CDKAL1: variants seen among roughly 807,000 people sequenced by gnomAD.
CDKAL1 encodes the protein CDKAL1 threonylcarbamoyladenosine tRNA methylthiotransferase.
Under a neutral mutation model 68.2 loss-of-function variants are expected in CDKAL1, and 32 were observed. The observed-to-expected ratio is 0.47, with a 90% CI of 0.35 to 0.63. CDKAL1 has a LOEUF of 0.63. CDKAL1 is among the 30% of genes least tolerant of loss of function. The probability of loss-of-function intolerance (pLI) is 0.00; values close to 1 mark genes in which losing one functional copy is unlikely to be tolerated. For missense variants in CDKAL1, 606 were observed against 696.7 expected (o/e 0.87, Z 1.47); for synonymous variants, 234 against 244.3 (o/e 0.96, Z 0.39).
At chr6:21,193,335 A>T (rs925637988) in intron 13 of CDKAL1, among the ~76,000 whole-genome samples, 6 of 152,220 alleles carry the variant, frequency 3.9e-5, no homozygotes, top group African/African-American at 1.4e-4. Context: ...CAAGAGAGAG[A>T]CAGGCTTGAT....
intron 3 of CDKAL1, among the ~76,000 whole-genome samples, chr6:20,548,180 TGA>T (rs1359547483): frequency 6.6e-6 from 1 of 152,190 alleles, no homozygotes; most frequent in Non-Finnish European, 1.5e-5. Context: ...TGGATTGTAG[TGA>T]GTTTGTTTTT....
chr6:20,893,076 C>T (rs1761493465), intron 9 of CDKAL1, among the ~76,000 whole-genome samples: 1 of 152,162 alleles, frequency 6.6e-6, no homozygotes, highest in Admixed American at 6.5e-5. Flanking sequence ...AGCAGAATAG[C>T]ATTACCCTGT....
intron 11 of CDKAL1, among the ~76,000 whole-genome samples, chr6:21,059,164 G>A (rs997550864): frequency 5.3e-5 from 8 of 152,206 alleles, no homozygotes; most frequent in Non-Finnish European, 1.2e-4. Flanking sequence ...ATGGATCAGG[G>A]TCCCACCTAA....
At chr6:21,190,366 T>C (rs1319350037) in intron 13 of CDKAL1, among the ~76,000 whole-genome samples, 1 of 151,254 alleles carries the variant, frequency 6.6e-6, no homozygotes, top group African/African-American at 2.4e-5. Context: ...TGTGTGGGGT[T>C]TTTTTTGTTT....
intron 11 of CDKAL1, among the ~76,000 whole-genome samples, chr6:21,060,823 A>C (rs1224249546): frequency 6.6e-6 from 1 of 152,062 alleles, no homozygotes; most frequent in African/African-American, 2.4e-5. Flanking sequence ...TATTTTAATC[A>C]TGTGTTTTGT....
intron 12 of CDKAL1, among the ~76,000 whole-genome samples, chr6:21,068,495 T>A (rs569840447): frequency 3.3e-5 from 5 of 152,262 alleles, no homozygotes; most frequent in Admixed American, 3.3e-4. Flanking sequence ...AATATCATTC[T>A]TGTCTCACTC....
intron 5 of CDKAL1, among the ~76,000 whole-genome samples, chr6:20,698,375 T>G (rs1399032424): frequency 6.6e-6 from 1 of 152,204 alleles, no homozygotes. Context: ...GAAATTAACA[T>G]TGGTACATTC....
chr6:21,212,109 A>G (rs1443006488), intron 15 of CDKAL1, among the ~76,000 whole-genome samples: 3 of 152,052 alleles, frequency 2.0e-5, no homozygotes, highest in African/African-American at 7.2e-5. Flanking sequence ...GAAAGTTTCT[A>G]TATGAGGGAA....
chr6:20,844,616 G>A (rs1169188721), intron 8 of CDKAL1, among the ~76,000 whole-genome samples: 1 of 151,594 alleles, frequency 6.6e-6, no homozygotes, highest in Non-Finnish European at 1.5e-5. Context: ...TTGGGAGGCC[G>A]AGAGGGGAGG....
chr6:21,182,043 C>T (rs1777809479), intron 13 of CDKAL1, among the ~76,000 whole-genome samples: 1 of 152,178 alleles, frequency 6.6e-6, no homozygotes, highest in Non-Finnish European at 1.5e-5. Context: ...CTATATCTAA[C>T]TTACACAGTA....
chr6:21,169,565 G>A (rs1387586685), intron 13 of CDKAL1, among the ~76,000 whole-genome samples: 2 of 152,190 alleles, frequency 1.3e-5, no homozygotes, highest in Non-Finnish European at 2.9e-5. Flanking sequence ...GAACCCGGGA[G>A]GGAGAGGTTG....
chr6:21,099,895 C>T (rs1211912263), intron 12 of CDKAL1, among the ~76,000 whole-genome samples: 1 of 152,214 alleles, frequency 6.6e-6, no homozygotes, highest in Non-Finnish European at 1.5e-5. Flanking sequence ...TCTTGCCTTC[C>T]TTATGTGCTA....
intron 8 of CDKAL1, among the ~76,000 whole-genome samples, chr6:20,812,608 A>G (rs951976453): frequency 2.6e-5 from 4 of 152,190 alleles, no homozygotes; most frequent in Non-Finnish European, 5.9e-5. Flanking sequence ...CAGTTTCTAG[A>G]GTTTTACATA....
intron 5 of CDKAL1, chr6:20,723,514 G>A (rs1428137757): frequency 6.4e-6 from 1 of 156,994 alleles, no homozygotes; most frequent in Non-Finnish European, 1.4e-5. Flanking sequence ...CCGAGTAGAG[G>A]GGGCACCCCT....
At chr6:21,204,642 A>T (rs1236717611) in intron 15 of CDKAL1, among the ~76,000 whole-genome samples, 2 of 152,170 alleles carry the variant, frequency 1.3e-5, no homozygotes, top group Non-Finnish European at 2.9e-5. Context: ...AGGCACTATT[A>T]TTATCCCCAT....
At chr6:20,744,004 G>A (rs952292810) in intron 6 of CDKAL1, among the ~76,000 whole-genome samples, 2 of 152,202 alleles carry the variant, frequency 1.3e-5, no homozygotes, top group Non-Finnish European at 2.9e-5. Context: ...TATAGAATCA[G>A]GATCTTTTTG....
chr6:21,061,514 T>A (rs2150927132), intron 11 of CDKAL1, among the ~76,000 whole-genome samples: 1 of 152,252 alleles, frequency 6.6e-6, no homozygotes, highest in Admixed American at 6.5e-5. Context: ...AAAATTCATG[T>A]CATCTCAAAA....
intron 11 of CDKAL1, among the ~76,000 whole-genome samples, chr6:21,032,872 G>A (rs1173897164): frequency 1.3e-5 from 2 of 152,150 alleles, no homozygotes; most frequent in Non-Finnish European, 2.9e-5. Flanking sequence ...ATGCATGACT[G>A]TATTTCAAAT....
chr6:20,672,136 TTCCCTC>T (rs1041691348), intron 5 of CDKAL1, among the ~76,000 whole-genome samples: 25 of 152,050 alleles, frequency 1.6e-4, no homozygotes, highest in South Asian at 8.3e-4. Context: ...CTCCCTTCCC[TTCCCTC>T]TCCCTCTCCC....
Sources: allele counts gnomAD v4.1 joint callset (sites outside exome capture counted in the v4.1 genomes callset), GRCh38; gene constraint gnomAD v4.1.1; transcripts MANE v1.5; gene names NCBI Gene and HGNC (gene_info 2026-07-23, HGNC 2026-07-21).